DISC1: variants seen among roughly 807,000 people sequenced by gnomAD.
DISC1 encodes disrupted in schizophrenia 1 protein.
DISC1 carries 57 observed loss-of-function variants against 84.5 expected under a neutral mutation model. The ratio of observed to expected loss-of-function variants is 0.67; its 90% CI spans 0.55 to 0.84. The LOEUF is 0.84. DISC1 is among the 40% of genes least tolerant of loss of function. The probability of loss-of-function intolerance (pLI) is 0.00; values close to 1 mark genes in which losing one functional copy is unlikely to be tolerated. For synonymous variants in DISC1, 411 were observed against 415.2 expected, an observed-to-expected ratio of 0.99 and a Z score of 0.12; for missense variants, 1,000 against 1,057.8, an observed-to-expected ratio of 0.95 and a Z score of 0.76.
intron 10 of DISC1, among the ~76,000 whole-genome samples, chr1:231,962,496 T>C (rs1402622043): frequency 1.3e-5 from 2 of 152,098 alleles, no homozygotes; most frequent in Non-Finnish European, 2.9e-5. Flanking sequence ...TCCAAAACAA[T>C]CCTGAGCAAA....
rs73115125 is a variant in DISC1 at position 231,684,599 on chromosome 1, G to A, written c.68-9227G>A. ...CCTTGCACATCACGTCCTGTTCCCTGTTAAGACTGGTTTATCATTCTTTTG... is the reference window on the plus strand; with the variant it reads ...CCTTGCACATCACGTCCTGTTCCCTATTAAGACTGGTTTATCATTCTTTTG... On this transcript the variant is annotated intron_variant, in intron 1 of 12. Transcript: ENST00000439617. Among the ~76,000 whole-genome samples the A allele has an allele frequency of 4.3e-3, 652 of 152,178 alleles. 10 individuals carry two copies. The highest frequency in any genetic ancestry group is 0.015 in the African/African-American group (622 of 41,508).
chr1:231,828,517 C>CCTAAT (rs1451237187), intron 9 of DISC1, among the ~76,000 whole-genome samples: 2 of 151,950 alleles, frequency 1.3e-5, no homozygotes, highest in Non-Finnish European at 2.9e-5. Flanking sequence ...GTGATTCTCC[C>CCTAAT]CTAAAGATTA....
At chr1:231,985,478 G>T (rs1192180919) in intron 10 of DISC1, among the ~76,000 whole-genome samples, 2 of 152,192 alleles carry the variant, frequency 1.3e-5, no homozygotes, top group Non-Finnish European at 2.9e-5. Flanking sequence ...CGTAGCAGCA[G>T]GATGAGGAGT....
chr1:231,816,964 C>A (rs1051998076), intron 8 of DISC1, among the ~76,000 whole-genome samples: 5 of 151,902 alleles, frequency 3.3e-5, no homozygotes, highest in Non-Finnish European at 7.4e-5. Flanking sequence ...CCTCCTTCTT[C>A]TTCTTTCTCC....
At chr1:231,991,246 C>T (rs1665161246) in intron 10 of DISC1, among the ~76,000 whole-genome samples, 1 of 152,244 alleles carries the variant, frequency 6.6e-6, no homozygotes, top group African/African-American at 2.4e-5. Flanking sequence ...CATTTATTAG[C>T]GAGCCCTCTT....
chr1:231,670,799 A>G (rs1234567619), intron 1 of DISC1: 6 of 152,184 alleles, frequency 3.9e-5, no homozygotes, highest in Non-Finnish European at 8.8e-5. Context: ...TGCCATTCCC[A>G]AGTCCATTGT....
At chr1:231,656,820 C>T (rs2061137626) in intron 1 of DISC1, among the ~76,000 whole-genome samples, 1 of 152,152 alleles carries the variant, frequency 6.6e-6, no homozygotes, top group African/African-American at 2.4e-5. Context: ...TGTGCTGTTC[C>T]CCTCTATGTG....
intron 9 of DISC1, among the ~76,000 whole-genome samples, chr1:231,935,019 G>A (rs2090894197): frequency 6.6e-6 from 1 of 152,224 alleles, no homozygotes; most frequent in African/African-American, 2.4e-5. Context: ...TAGCCCTTGT[G>A]TGCTCACATT....
intron 3 of DISC1, among the ~76,000 whole-genome samples, chr1:231,710,230 T>C (rs2067641401): frequency 6.6e-6 from 1 of 152,112 alleles, no homozygotes; most frequent in Non-Finnish European, 1.5e-5. Flanking sequence ...TGTTCCCAGC[T>C]ACTCGGAAGG....
chr1:231,992,709 C>T (rs1041645491), intron 10 of DISC1, among the ~76,000 whole-genome samples: 5 of 152,230 alleles, frequency 3.3e-5, no homozygotes, highest in East Asian at 1.9e-4. Flanking sequence ...TTTAATGCAG[C>T]GAATCCATTG....
intron 8 of DISC1, among the ~76,000 whole-genome samples, chr1:231,810,224 C>G (rs897458270): frequency 1.3e-5 from 2 of 151,586 alleles, no homozygotes; most frequent in South Asian, 2.1e-4. Flanking sequence ...GGTGGGTGCT[C>G]AAGGCCAGAC....
intron 9 of DISC1, among the ~76,000 whole-genome samples, chr1:231,885,277 G>A (rs1424239729): frequency 6.6e-6 from 1 of 152,146 alleles, no homozygotes; most frequent in Non-Finnish European, 1.5e-5. Flanking sequence ...TTTGCCCATG[G>A]GGGAAGGATT....
chr1:231,746,565 C>T (rs2074003006), intron 3 of DISC1, among the ~76,000 whole-genome samples: 1 of 152,166 alleles, frequency 6.6e-6, no homozygotes, highest in African/African-American at 2.4e-5. Context: ...ACATTCCCAC[C>T]AACAATGTAT....
At position 231,900,879 on chromosome 1, in the gene DISC1, G is replaced by A. The variant is rs560802308; in HGVS notation, c.1982-57949G>A. Among the ~76,000 whole-genome samples, 18 of 152,240 alleles carry A rather than the reference G, an allele frequency of 1.2e-4. No homozygotes were observed. The East Asian group carries it at 1.7e-3, about 15-fold the overall frequency. ...ACATTACAGGGTTTGAAAAATAGGC[G>A]TATTTTCTTAGATGCAACAAAATCT... On this transcript the variant is annotated intron_variant, in intron 9 of 12. Coordinates refer to ENST00000439617, the MANE Select transcript of DISC1 (RefSeq NM_018662.3).
At chr1:231,942,994 CT>C (rs1225377956) in intron 9 of DISC1, among the ~76,000 whole-genome samples, 6 of 152,266 alleles carry the variant, frequency 3.9e-5, no homozygotes, top group Non-Finnish European at 8.8e-5. Flanking sequence ...GCCTTTTTCT[CT>C]TCCTTTGTCC....
chr1:231,849,273 A>C (rs767859117), intron 9 of DISC1, among the ~76,000 whole-genome samples: 6 of 152,050 alleles, frequency 3.9e-5, no homozygotes, highest in African/African-American at 9.7e-5. Context: ...GGGATGCGCC[A>C]CCACGCTCGG....
intron 6 of DISC1, among the ~76,000 whole-genome samples, chr1:231,772,095 T>C (rs1452059093): frequency 2.6e-5 from 4 of 152,046 alleles, no homozygotes; most frequent in Admixed American, 2.6e-4. Flanking sequence ...GACCACAGGC[T>C]TGGGTCACCA....
chr1:232,005,012 C>CTTTCCTT (rs1491456366), intron 10 of DISC1, among the ~76,000 whole-genome samples: 2 of 126,538 alleles, frequency 1.6e-5, no homozygotes, highest in African/African-American at 6.5e-5. Context: ...TTCCTTCCTT[C>CTTTCCTT]CCTCTCTCCC....
intron 9 of DISC1, among the ~76,000 whole-genome samples, chr1:231,925,560 G>A (rs2090313819): frequency 6.6e-6 from 1 of 152,076 alleles, no homozygotes; most frequent in Non-Finnish European, 1.5e-5. Context: ...CCTGTAATGG[G>A]GTAAATTGTA....
Sources: gnomAD v4.1 joint callset for allele counts (sites outside exome capture counted in the v4.1 genomes callset) on GRCh38, gnomAD v4.1.1 for gene constraint, MANE v1.5 for transcripts, NCBI Gene and HGNC (gene_info 2026-07-23, HGNC 2026-07-21) for gene names.